INTS12: variants seen among roughly 807,000 people sequenced by gnomAD.
The protein encoded by INTS12 is PHD finger protein 22.
In INTS12, 13 loss-of-function variants were observed where a neutral mutation model predicts 41.6. The observed-to-expected ratio is 0.31, with a 90% CI of 0.20 to 0.50. INTS12 has a LOEUF of 0.50. Ranked by LOEUF, INTS12 falls within the 20% of genes least tolerant of loss-of-function variation. The pLI is 0.98. For missense variants in INTS12, 432 were observed against 541.6 expected, an observed-to-expected ratio of 0.80 and a Z score of 2.01; for synonymous variants, 199 against 191.4, an observed-to-expected ratio of 1.04 and a Z score of -0.33.
intron 1 of INTS12, among the ~76,000 whole-genome samples, chr4:105,704,733 T>A (rs908783977): frequency 9.2e-5 from 14 of 152,162 alleles, no homozygotes; most frequent in Admixed American, 2.6e-4. Flanking sequence ...CCTCTAGTAA[T>A]CCCTTTTTCA....
chr4:105,682,704 A>G lies in INTS12; in HGVS notation c.*29T>C, dbSNP rs79866548. ...ATAATAAGCCTTTCATCTTTAGGCT[A>G]ATATGATACAAAAACCTACTTGGCC... On this transcript the variant is annotated 3_prime_UTR_variant, in exon 8 of 8. Transcript: ENST00000340139. 8.0e-4 allele frequency: 1,224 copies of G among 1,523,336 alleles called. 25 individuals carry two copies. In the East Asian group the frequency reaches 0.025, roughly 31 times the overall value. The allele number at this position is 1,523,336 out of a possible 1,614,324, so 94.4% of individuals were successfully genotyped here.
intron 3 of INTS12, among the ~76,000 whole-genome samples, chr4:105,699,492 AT>A (rs1305422564): frequency 2.0e-5 from 3 of 151,992 alleles, no homozygotes; most frequent in African/African-American, 4.8e-5. Flanking sequence ...CTTTTACTTG[AT>A]TTTTTTTAAT....
intron 3 of INTS12, among the ~76,000 whole-genome samples, chr4:105,699,459 T>C (rs1236875785): frequency 1.3e-5 from 2 of 152,320 alleles, no homozygotes; most frequent in East Asian, 3.9e-4. Context: ...CCATATTCAA[T>C]TTATTTTGTT....
intron 7 of INTS12, among the ~76,000 whole-genome samples, chr4:105,686,198 T>C (rs1731492203): frequency 6.6e-6 from 1 of 152,108 alleles, no homozygotes; most frequent in African/African-American, 2.4e-5. Flanking sequence ...AAGTAGCTGA[T>C]CACAGGCACC....
intron 3 of INTS12, 74 bp from the exon 4 acceptor site, chr4:105,695,742 C>T (rs927088051): frequency 1.7e-6 from 2 of 1,183,682 alleles, no homozygotes; most frequent in Non-Finnish European, 2.4e-6. Flanking sequence ...TTAATATAAA[C>T]AATTTTCAGT....
intron 6 of INTS12, among the ~76,000 whole-genome samples, chr4:105,688,792 T>C (rs1009855856): frequency 8.5e-5 from 13 of 152,236 alleles, no homozygotes; most frequent in Admixed American, 2.6e-4. Context: ...AGGAAGTACT[T>C]CTGCCTGTGA....
chr4:105,696,227 C>A (rs1211522959), intron 3 of INTS12, among the ~76,000 whole-genome samples: 1 of 152,186 alleles, frequency 6.6e-6, no homozygotes, highest in Non-Finnish European at 1.5e-5. Context: ...TCACTACAAT[C>A]AACATAATGA....
Position 105,682,973 on chromosome 4 carries a change from G to A in INTS12, c.1149C>T (p.Ser383=). 3.1e-6 allele frequency: 5 copies of A among 1,614,106 alleles called. No homozygotes were observed. Among genetic ancestry groups the A allele is most frequent in the Non-Finnish European group, 4.2e-6 (5 of 1,179,968 alleles). ...TACTTGGACTAGGAAGACCTACTTT[G>A]CTGACATTGTCACAACTAACTGAGC... ...LSRSVSCDNV[S]KVGLPSPSSL... The change falls in exon 8 of 8, where the codon AGC becomes AGT. Residue 383 remains serine (S), a synonymous_variant. Coordinates refer to ENST00000340139, the MANE Select transcript of INTS12 (RefSeq NM_020395.4).
chr4:105,700,035 G>C (rs1203030131), intron 2 of INTS12, 21 bp from the exon 3 acceptor site: 2 of 1,443,300 alleles, frequency 1.4e-6, no homozygotes, highest in Non-Finnish European at 1.9e-6. Context: ...AAAAGAGAAA[G>C]TAATCTAGAA....
At chr4:105,700,677 C>T (rs1477506783) in intron 2 of INTS12, among the ~76,000 whole-genome samples, 1 of 144,702 alleles carries the variant, frequency 6.9e-6, no homozygotes, top group African/African-American at 2.7e-5. Context: ...AAAGTAAGGT[C>T]TCTGAGGGAT....
chr4:105,686,781 G>A lies in INTS12; in HGVS notation c.715C>T (p.Pro239Ser). Residue 239 changes from proline to serine, a missense_variant, in exon 7 of 8, where the codon CCA (proline) becomes TCA (serine). Physicochemically the swap from Pro to Ser is moderately conservative, Grantham distance 74. Around this residue, in one of 3 missense-constraint regions of INTS12, gnomAD observed 258 missense variants for 309.9 expected, o/e 0.83. Transcript: ENST00000340139. Reference protein sequence around the residue: ...KPAPAVVSVTPAVKDPLVKKP... With the variant: ...KPAPAVVSVTSAVKDPLVKKP... ...TTAACCAATGGATCTTTGACAGCTG[G>A]AGTTACAGAAACAACTGCAGGGGCT... 6.2e-7 allele frequency: 1 copy of A among 1,613,678 alleles called. No homozygotes were observed. The highest frequency in any genetic ancestry group is 1.1e-5 in the South Asian group (1 of 91,066).
chr4:105,701,194 C>T (rs1732058240), intron 2 of INTS12, among the ~76,000 whole-genome samples: 1 of 150,240 alleles, frequency 6.7e-6, no homozygotes. Context: ...CCTCATCCTT[C>T]TCCACATCTG....
chr4:105,699,468 T>C lies in INTS12; in HGVS notation c.156+382A>G, dbSNP rs147940674. 7.1e-4 allele frequency among the ~76,000 whole-genome samples: 108 copies of C among 152,334 alleles called. 4 individuals are homozygous for C. The East Asian group carries it at 0.018, about 26-fold the overall frequency. ...TCCTACCCATATTCAATTTATTTTG[T>C]TGAAAGATCTGTCCTTTTACTTGAT... On this transcript the variant is annotated intron_variant, in intron 3 of 7. Transcript: ENST00000340139.
chr4:105,703,512 C>T (rs1466368125), intron 2 of INTS12, 136 bp downstream of exon 2: 2 of 152,100 alleles, frequency 1.3e-5, no homozygotes, highest in African/African-American at 4.8e-5. Context: ...TGTGGTCCAC[C>T]CTTTCAATAC....
chr4:105,706,910 G>A (rs976261250), intron 1 of INTS12, among the ~76,000 whole-genome samples: 1 of 151,750 alleles, frequency 6.6e-6, no homozygotes, highest in African/African-American at 2.4e-5. Flanking sequence ...CTTCAACATT[G>A]TTGCCATATG....
chr4:105,708,045 C>T (rs1033452505), intron 1 of INTS12: 8 of 985,284 alleles, frequency 8.1e-6, no homozygotes, highest in African/African-American at 3.5e-5. Context: ...AAACTTTGTT[C>T]TTCATGACTT....
chr4:105,706,827 C>T (rs1732282519), intron 1 of INTS12, among the ~76,000 whole-genome samples: 1 of 152,180 alleles, frequency 6.6e-6, no homozygotes, highest in Admixed American at 6.5e-5. Flanking sequence ...CTTTTCACTT[C>T]CACTGCTACT....
At chr4:105,684,660 T>C (rs1731441538) in intron 7 of INTS12, among the ~76,000 whole-genome samples, 1 of 152,092 alleles carries the variant, frequency 6.6e-6, no homozygotes, top group African/African-American at 2.4e-5. Context: ...TCTTATGAAG[T>C]TATCCAGAGA....
At chr4:105,691,494 A>AAAGACT (rs1560775710) in intron 6 of INTS12, among the ~76,000 whole-genome samples, 1 of 152,224 alleles carries the variant, frequency 6.6e-6, no homozygotes, top group Non-Finnish European at 1.5e-5. Context: ...AATGAGAAGG[A>AAAGACT]AAGACTAAGC....
Sources: gnomAD v4.1 joint callset for allele counts (sites outside exome capture counted in the v4.1 genomes callset) on GRCh38, gnomAD v4.1.1 for gene constraint, gnomAD v4.1.1 regional missense constraint, MANE v1.5 for transcripts, NCBI Gene and HGNC (gene_info 2026-07-23, HGNC 2026-07-21) for gene names.